The following ETV5 variants were observed in gnomAD, a reference collection of about 807,000 sequenced individuals.
ETV5 encodes ETS translocation variant 5.
Under a neutral mutation model 70.0 loss-of-function variants are expected in ETV5, and 10 were observed. The ratio of observed to expected loss-of-function variants is 0.14; its 90% confidence interval spans 0.09 to 0.24. The LOEUF is 0.24. ETV5 is among the 10% of genes least tolerant of loss of function. The probability of loss-of-function intolerance (pLI) is 1.00; values close to 1 mark genes in which losing one functional copy is unlikely to be tolerated. For synonymous variants in ETV5, 216 were observed against 242.2 expected (o/e 0.89, Z 1.01); for missense variants, 453 against 651.2 (o/e 0.70, Z 3.31).
chr3:186,095,854 T>TG (rs1194592411), intron 5 of ETV5, among the ~76,000 whole-genome samples: 1 of 152,166 alleles, frequency 6.6e-6, no homozygotes, highest in Non-Finnish European at 1.5e-5. Context: ...AGCTGGAGGC[T>TG]GGGGCAGCTG....
At chr3:186,060,925 C>G (rs1335572479) in intron 9 of ETV5, among the ~76,000 whole-genome samples, 1 of 152,226 alleles carries the variant, frequency 6.6e-6, no homozygotes, top group Non-Finnish European at 1.5e-5. Flanking sequence ...ACATCAACTG[C>G]TTCTGTAGAA....
chr3:186,100,350 T>G lies in ETV5; in HGVS notation c.232+4955A>C, dbSNP rs552015123. Among the ~76,000 whole-genome samples the G allele has an allele frequency of 3.3e-3, 505 of 152,304 alleles. 6 individuals carry two copies. The highest frequency in any genetic ancestry group is 0.011 in the African/African-American group (463 of 41,552). ...TTCTTACCTTGCCAAACAAAAAGAC[T>G]TTAGGATGATCCTTTTGAATAGAGG... On this transcript the variant is annotated intron_variant, in intron 5 of 12. Coordinates refer to ENST00000306376, the MANE Select transcript of ETV5 (RefSeq NM_004454.3).
chr3:186,089,698 G>T (rs530927054), intron 5 of ETV5, among the ~76,000 whole-genome samples: 2 of 152,266 alleles, frequency 1.3e-5, no homozygotes, highest in East Asian at 3.9e-4. Context: ...GTCAGCGACT[G>T]GCCAAGACTT....
At chr3:186,079,080 C>A (rs1360517274) in intron 7 of ETV5, 10 of 1,064,956 alleles carry the variant, frequency 9.4e-6, no homozygotes, top group Non-Finnish European at 1.1e-5. Context: ...CAACTACCCC[C>A]CTATCCCAGA....
At chr3:186,066,172 G>T in intron 7 of ETV5, 100 bp from the exon 8 acceptor site, 1 of 1,019,972 alleles carries the variant, frequency 9.8e-7, no homozygotes, top group Non-Finnish European at 1.3e-6. Context: ...GAAATTATTT[G>T]CAAAGTACTT....
intron 12 of ETV5, among the ~76,000 whole-genome samples, chr3:186,049,656 G>C (rs190376959): frequency 1.2e-4 from 19 of 152,284 alleles, no homozygotes; most frequent in Non-Finnish European, 7.4e-5. Flanking sequence ...AAACATTTTA[G>C]ATTTAAAAAT....
chr3:186,050,252 A>G lies in ETV5; in HGVS notation c.1312-1392T>C, dbSNP rs530546489. 3.4e-4 allele frequency among the ~76,000 whole-genome samples: 52 copies of G among 152,274 alleles called. 1 individual carries two copies. The South Asian group carries it at 6.8e-3, about 20-fold the overall frequency. On this transcript the variant is annotated intron_variant, in intron 12 of 12. Coordinates refer to ENST00000306376, the MANE Select transcript of ETV5 (RefSeq NM_004454.3). ...TAACAAATTGAAGTGTTAGGATCTG[A>G]GCCCACGAAGCCTCATTCCTGGGCC...
intron 9 of ETV5, among the ~76,000 whole-genome samples, chr3:186,063,650 T>C (rs1171144197): frequency 6.6e-6 from 1 of 152,202 alleles, no homozygotes; most frequent in Non-Finnish European, 1.5e-5. Context: ...GCTTTATATC[T>C]GTTCTCATGT....
At position 186,048,863 on chromosome 3, in the gene ETV5, G is replaced by A; in HGVS notation, c.1312-3C>T. On this transcript the variant is annotated splice_region_variant and splice_polypyrimidine_tract_variant and intron_variant, in intron 12 of 12. Transcript: ENST00000306376. ...TAGACGTATCGCTCTCCAGCCACCTGCGGGAGAACACACACCTTACAGGGC... is the reference window on the plus strand; with the variant it reads ...TAGACGTATCGCTCTCCAGCCACCTACGGGAGAACACACACCTTACAGGGC... 2 of 1,612,696 alleles carry A rather than the reference G, an allele frequency of 1.2e-6. No individual in the cohort carries two copies. Among genetic ancestry groups the A allele is most frequent in the African/African-American group, 1.3e-5 (1 of 74,960 alleles).
In ETV5 at chr3:186,105,601, C is replaced by T; in HGVS notation, c.133+24G>A. ...GTCACTGGGAGCAGGGAAGCCACAA[C>T]ATAATCAGGGAAAGCTTTACTACCT... On this transcript the variant is annotated intron_variant, in intron 3 of 12. Transcript: ENST00000306376. The surrounding 1 kb of genome is among the most constrained non-coding windows in gnomAD (Gnocchi z 4.5). The T allele has an allele frequency of 6.2e-7, 1 of 1,613,972 alleles. No individual in the cohort carries two copies. The highest frequency in any genetic ancestry group is 8.5e-7 in the Non-Finnish European group (1 of 1,179,808).
chr3:186,066,447 A>G (rs1713448801), intron 7 of ETV5, among the ~76,000 whole-genome samples: 1 of 152,076 alleles, frequency 6.6e-6, no homozygotes, highest in Admixed American at 6.5e-5. Context: ...CCATTCTCTC[A>G]CCTATAGATA....
At chr3:186,076,756 C>T (rs977946815) in intron 7 of ETV5, among the ~76,000 whole-genome samples, 1 of 152,164 alleles carries the variant, frequency 6.6e-6, no homozygotes, top group African/African-American at 2.4e-5. Context: ...AAAGAGCTTA[C>T]TCTATTCAAC....
intron 5 of ETV5, among the ~76,000 whole-genome samples, chr3:186,085,846 C>T (rs979544508): frequency 6.6e-6 from 1 of 152,146 alleles, no homozygotes; most frequent in East Asian, 1.9e-4. Flanking sequence ...CCCATTCTAG[C>T]ATTCCATCTA....
intron 7 of ETV5, among the ~76,000 whole-genome samples, chr3:186,078,856 A>G (rs576661787): frequency 5.9e-5 from 9 of 152,090 alleles, no homozygotes; most frequent in Admixed American, 6.5e-5. Context: ...AGACAAAGGG[A>G]CCTTATTTTT....
At chr3:186,093,056 C>T (rs1379762758) in intron 5 of ETV5, among the ~76,000 whole-genome samples, 1 of 152,074 alleles carries the variant, frequency 6.6e-6, no homozygotes, top group Non-Finnish European at 1.5e-5. Context: ...CTTACTGCTC[C>T]CTGGAATGTG....
intron 5 of ETV5, among the ~76,000 whole-genome samples, chr3:186,099,987 G>A (rs985805978): frequency 1.3e-5 from 2 of 152,212 alleles, no homozygotes; most frequent in African/African-American, 4.8e-5. Flanking sequence ...AAAGGTAGAC[G>A]AAAGCAGATT....
In ETV5 at chr3:186,047,982, A is replaced by AAAGGGGGCTTGC. The variant is rs769770003; in HGVS notation, c.*645_*656dup. 16 of 233,368 alleles carry AAAGGGGGCTTGC rather than the reference A, an allele frequency of 6.9e-5. No individual in the cohort carries two copies. Among genetic ancestry groups the AAAGGGGGCTTGC allele is most frequent in the Non-Finnish European group, 6.8e-5 (8 of 117,960 alleles). 14.5% of individuals were successfully genotyped at this position (233,368 alleles called of 1,614,324 possible). A position where few individuals can be genotyped will look rare whatever the true frequency, so the allele number is the denominator to read the frequency against. On this transcript the variant is annotated 3_prime_UTR_variant, in exon 13 of 13. Transcript: ENST00000306376. ...CACTCAGCCACGTGATTGGGAAGAGAAAGGGGGCTTGCTCTACTTGGCGAC... is the reference window on the plus strand; with the variant it reads ...CACTCAGCCACGTGATTGGGAAGAGAAAGGGGGCTTGCAAGGGGGCTTGCTCTACTTGGCGAC...
intron 5 of ETV5, among the ~76,000 whole-genome samples, chr3:186,099,183 A>G (rs1316068938): frequency 6.6e-6 from 1 of 152,176 alleles, no homozygotes; most frequent in South Asian, 2.1e-4. Context: ...TACTTACATT[A>G]TGGTTATAAT....
At chr3:186,108,842 T>C (rs1454636033) in intron 1 of ETV5, 98 bp downstream of exon 1, 1 of 240,682 alleles carries the variant, frequency 4.2e-6, no homozygotes, top group East Asian at 1.6e-4. Flanking sequence ...ACTTTGAAGA[T>C]TCTGAATCAG....
Sources: gnomAD v4.1 joint callset for allele counts (sites outside exome capture counted in the v4.1 genomes callset) on GRCh38, gnomAD v4.1.1 for gene constraint, Gnocchi (gnomAD v3.1) non-coding constraint, MANE v1.5 for transcripts, NCBI Gene and HGNC (gene_info 2026-07-23, HGNC 2026-07-21) for gene names.